The following NXPE2 variants were observed in gnomAD, a reference collection of about 807,000 sequenced individuals.
The protein encoded by NXPE2 is NXPE family member 2.
NXPE2 carries 34 observed loss-of-function variants against 34.4 expected under a neutral mutation model. That is an observed-to-expected ratio of 0.99 (90% CI 0.75 to 1.31). The LOEUF (loss-of-function observed/expected upper bound fraction) is 1.31, where lower values mean the gene tolerates loss of function less well. Ranked by LOEUF, NXPE2 falls within the 40% of genes most tolerant of loss-of-function variation. The pLI, the probability that NXPE2 is intolerant of heterozygous loss-of-function variation, is 0.00. For synonymous variants in NXPE2, 235 were observed against 231.3 expected (o/e 1.02, Z -0.15); for missense variants, 649 against 672.5 (o/e 0.97, Z 0.39).
the NXPE2 span, among the ~76,000 whole-genome samples, chr11:114,586,081 A>G: frequency 4.3e-4 from 65 of 152,248 alleles, no homozygotes; most frequent in African/African-American, 1.3e-3. Flanking sequence ...CAAATGTTAC[A>G]CCTGGGGTGA....
chr11:114,589,858 C>A, the NXPE2 span, among the ~76,000 whole-genome samples: 1 of 152,294 alleles, frequency 6.6e-6, no homozygotes, highest in Non-Finnish European at 1.5e-5. Flanking sequence ...AGCACAAAAA[C>A]CCAATGCAGA....
At chr11:114,611,612 C>G in the NXPE2 span, among the ~76,000 whole-genome samples, 1 of 150,056 alleles carries the variant, frequency 6.7e-6, no homozygotes, top group African/African-American at 2.4e-5. Context: ...AATTCTTACC[C>G]TGTGGAAAAT....
chr11:114,694,556 T>C (rs539197772), intron 2 of NXPE2, among the ~76,000 whole-genome samples: 445 of 152,308 alleles, frequency 2.9e-3, no homozygotes, highest in Non-Finnish European at 5.1e-3. Context: ...TTTATTCTCC[T>C]TTTGGTATTC....
the NXPE2 span, among the ~76,000 whole-genome samples, chr11:114,643,550 A>G: frequency 6.6e-6 from 1 of 152,058 alleles, no homozygotes. Context: ...CAGGTTTGTC[A>G]AAGATCAGAT....
chr11:114,770,101 T>C, the NXPE2 span, among the ~76,000 whole-genome samples: 1 of 152,236 alleles, frequency 6.6e-6, no homozygotes, highest in African/African-American at 2.4e-5. Flanking sequence ...TAGCATGTTT[T>C]CAGCTTCAAA....
chr11:114,548,390 C>T, the NXPE2 span, among the ~76,000 whole-genome samples: 40 of 151,944 alleles, frequency 2.6e-4, no homozygotes, highest in Non-Finnish European at 3.1e-4. Flanking sequence ...ACATATGAAA[C>T]CTTTACAAAT....
At chr11:114,698,939 T>A (rs1366689918) in intron 3 of NXPE2, among the ~76,000 whole-genome samples, 161 bp downstream of exon 3, 1 of 152,136 alleles carries the variant, frequency 6.6e-6, no homozygotes, top group Admixed American at 6.6e-5. Flanking sequence ...TTCACAGGGA[T>A]CCATACAAGT....
chr11:114,490,996 AC>A, the NXPE2 span, among the ~76,000 whole-genome samples: 1 of 149,660 alleles, frequency 6.7e-6, no homozygotes, highest in African/African-American at 2.5e-5. Flanking sequence ...CCCCGTCTCT[AC>A]TAAAAATACA....
chr11:114,634,358 T>G, the NXPE2 span, among the ~76,000 whole-genome samples: 1 of 152,118 alleles, frequency 6.6e-6, no homozygotes, highest in Admixed American at 6.6e-5. Flanking sequence ...AGATTCTGGA[T>G]ATTAGCCCTT....
the NXPE2 span, chr11:114,571,166 C>T: frequency 6.2e-7 from 1 of 1,613,956 alleles, no homozygotes; most frequent in Non-Finnish European, 8.5e-7. Context: ...TGATGATAAC[C>T]ATAGTGTCTG....
chr11:114,531,501 C>A, the NXPE2 span, among the ~76,000 whole-genome samples: 1 of 152,166 alleles, frequency 6.6e-6, no homozygotes, highest in South Asian at 2.1e-4. Context: ...GTTGCTAAAC[C>A]AGTCCTTTTT....
chr11:114,707,448 G>A (rs900680729), downstream of NXPE2: 22 of 421,008 alleles, frequency 5.2e-5, no homozygotes, highest in African/African-American at 4.2e-4. Flanking sequence ...AGACTGGAGT[G>A]CAGTGGCATG....
the NXPE2 span, among the ~76,000 whole-genome samples, chr11:114,566,693 G>T: frequency 6.9e-6 from 1 of 144,008 alleles, no homozygotes; most frequent in South Asian, 2.2e-4. Flanking sequence ...TAATATCAAG[G>T]GATTTCTCTC....
the NXPE2 span, among the ~76,000 whole-genome samples, chr11:114,783,449 T>C: frequency 6.6e-6 from 1 of 152,218 alleles, no homozygotes; most frequent in Non-Finnish European, 1.5e-5. Context: ...CAGAGCCGAC[T>C]GATCTCACTA....
the NXPE2 span, among the ~76,000 whole-genome samples, chr11:114,527,432 A>G: frequency 6.6e-6 from 1 of 152,204 alleles, no homozygotes; most frequent in Non-Finnish European, 1.5e-5. Context: ...AAAACATATA[A>G]TCAGATGAAA....
chr11:114,662,863 G>T, the NXPE2 span, among the ~76,000 whole-genome samples: 3 of 152,138 alleles, frequency 2.0e-5, no homozygotes, highest in African/African-American at 7.2e-5. Context: ...CCTGCTATCT[G>T]CAGAGCACTT....
At chr11:114,717,932 A>G in the NXPE2 span, among the ~76,000 whole-genome samples, 1 of 152,198 alleles carries the variant, frequency 6.6e-6, no homozygotes. Flanking sequence ...AACTTGGAAG[A>G]ATAAATTAGA....
chr11:114,730,933 A>G, the NXPE2 span, among the ~76,000 whole-genome samples: 1 of 152,046 alleles, frequency 6.6e-6, no homozygotes. Context: ...TATCATGTTG[A>G]TAGGAGTGGT....
the NXPE2 span, among the ~76,000 whole-genome samples, chr11:114,728,229 G>A: frequency 1.1e-3 from 169 of 152,150 alleles, no homozygotes; most frequent in African/African-American, 4.0e-3. Flanking sequence ...ATCAAGAATA[G>A]TTTCTCATTT....
Sources: allele counts gnomAD v4.1 joint callset (sites outside exome capture counted in the v4.1 genomes callset), GRCh38; gene constraint gnomAD v4.1.1; transcripts MANE v1.5; gene names NCBI Gene and HGNC (gene_info 2026-07-23, HGNC 2026-07-21).